Variants in MCC observed in about 807,000 individuals in gnomAD.
The protein encoded by MCC is colorectal mutant cancer protein.
A neutral mutation model predicts 116.2 loss-of-function variants in MCC; 90 were observed. That is an observed-to-expected ratio of 0.77 (90% CI 0.65 to 0.92). The LOEUF is 0.92. Ranked by LOEUF, MCC falls within the 40% of genes least tolerant of loss-of-function variation. The pLI is 0.00. For synonymous variants in MCC, 578 were observed against 510.5 expected (o/e 1.13, Z -1.78); for missense variants, 1,516 against 1,312.2 (o/e 1.16, Z -2.40).
chr5:113,254,241 G>C (rs183506091), intron 3 of MCC, among the ~76,000 whole-genome samples: 12 of 152,102 alleles, frequency 7.9e-5, no homozygotes, highest in Non-Finnish European at 1.6e-4. Context: ...GCATGAGGAC[G>C]GATAAGCAGA....
intron 1 of MCC, among the ~76,000 whole-genome samples, chr5:113,483,712 A>G (rs140828508): frequency 6.6e-6 from 1 of 152,338 alleles, no homozygotes; most frequent in East Asian, 1.9e-4. Flanking sequence ...AAAGGAATAT[A>G]AATCGTTGTA....
chr5:113,060,557 G>A (rs4293906), intron 14 of MCC, among the ~76,000 whole-genome samples: 13,109 of 152,204 alleles, frequency 0.086, 862 homozygotes, highest in African/African-American at 0.18. Context: ...GTCCTTTCCA[G>A]TGAGAGTCCT....
rs1157978443 is a variant in MCC at position 113,022,447 on chromosome 5, T to C, written c.*4855A>G. On this transcript the variant is annotated 3_prime_UTR_variant, in exon 19 of 19. Coordinates refer to ENST00000408903, the MANE Select transcript of MCC (RefSeq NM_001085377.2). ...TTCTAATTCAAGTGTATAGCACATA[T>C]TCAAATAATAGGAAACAAATCTCAT... 1 of 152,644 alleles carries C rather than the reference T, an allele frequency of 6.6e-6. No individual in the cohort carries two copies. The highest frequency in any genetic ancestry group is 2.4e-5 in the African/African-American group (1 of 41,454). The allele number at this position is 152,644 out of a possible 1,614,324, so 9.5% of individuals were successfully genotyped here. A position where few individuals can be genotyped will look rare whatever the true frequency, so the allele number is the denominator to read the frequency against.
chr5:113,320,279 G>A (rs939029423), intron 3 of MCC, among the ~76,000 whole-genome samples: 3 of 151,644 alleles, frequency 2.0e-5, no homozygotes, highest in African/African-American at 7.3e-5. Flanking sequence ...CACACAATTA[G>A]TTGTTTGTTT....
intron 17 of MCC, among the ~76,000 whole-genome samples, chr5:113,036,852 T>TCA (rs1172757884): frequency 6.6e-6 from 1 of 152,198 alleles, no homozygotes; most frequent in Non-Finnish European, 1.5e-5. Flanking sequence ...GCCTCAGTCT[T>TCA]CACCCTCTGT....
chr5:113,176,751 C>T (rs926942781), intron 3 of MCC, among the ~76,000 whole-genome samples: 4 of 152,148 alleles, frequency 2.6e-5, no homozygotes, highest in Non-Finnish European at 5.9e-5. Context: ...AAACCAGAGA[C>T]TTGGGTATCC....
chr5:113,228,373 G>C (rs1214931505), intron 3 of MCC, among the ~76,000 whole-genome samples: 1 of 152,154 alleles, frequency 6.6e-6, no homozygotes, highest in Admixed American at 6.5e-5. Context: ...GGAGGATTCA[G>C]GCAGTGGAGG....
At chr5:113,049,760 A>G (rs1752363119) in intron 15 of MCC, among the ~76,000 whole-genome samples, 1 of 152,104 alleles carries the variant, frequency 6.6e-6, no homozygotes, top group Non-Finnish European at 1.5e-5. Context: ...GGCACCAACC[A>G]CATGTTTAAT....
chr5:113,249,415 T>C (rs1045824400), intron 3 of MCC, among the ~76,000 whole-genome samples: 2 of 152,206 alleles, frequency 1.3e-5, no homozygotes, highest in Non-Finnish European at 1.5e-5. Context: ...TCCTTATATC[T>C]CTGCATTGTG....
At chr5:113,111,538 T>G (rs1440159505) in intron 6 of MCC, among the ~76,000 whole-genome samples, 1 of 152,238 alleles carries the variant, frequency 6.6e-6, no homozygotes, top group African/African-American at 2.4e-5. Flanking sequence ...ATCTCCCTTA[T>G]TTTTATTAAT....
In MCC at chr5:113,132,720, T is replaced by C. The variant is rs187739055; in HGVS notation, c.885-9894A>G. Among the ~76,000 whole-genome samples, 6 of 152,254 alleles carry C rather than the reference T, an allele frequency of 3.9e-5. No homozygotes were observed. In the East Asian group the frequency reaches 1.2e-3, roughly 29 times the overall value. ...TGTATTTGGCCTGACTTGTATTGGG[T>C]TGTTCTAATCTGCTAACTTTTACCA... On this transcript the variant is annotated intron_variant, in intron 5 of 18. Transcript: ENST00000408903.
At position 113,073,943 on chromosome 5, in the gene MCC, C is replaced by A. The variant is rs111709230; in HGVS notation, c.1785-2709G>T. 3.9e-4 allele frequency among the ~76,000 whole-genome samples: 59 copies of A among 152,352 alleles called. 2 individuals carry two copies. Among genetic ancestry groups the A allele is most frequent in the African/African-American group, 1.3e-3 (54 of 41,580 alleles). On this transcript the variant is annotated intron_variant, in intron 11 of 18. Transcript: ENST00000408903. Reference sequence around the variant, plus strand: ...GACCTGCCTGCCTCTGTAGACTCCACCGCTGGGGGCAGGGCATAGCTGAAC... The same window carrying A: ...GACCTGCCTGCCTCTGTAGACTCCAACGCTGGGGGCAGGGCATAGCTGAAC...
At chr5:113,199,789 A>G (rs1762592708) in intron 3 of MCC, among the ~76,000 whole-genome samples, 1 of 152,234 alleles carries the variant, frequency 6.6e-6, no homozygotes, top group African/African-American at 2.4e-5. Flanking sequence ...CACCAAGGCT[A>G]ATACCATCCT....
At chr5:113,223,750 A>G (rs916103759) in intron 3 of MCC, among the ~76,000 whole-genome samples, 3 of 152,250 alleles carry the variant, frequency 2.0e-5, no homozygotes, top group African/African-American at 7.2e-5. Context: ...CAAGAGGAGC[A>G]CAAGGGCAGA....
intron 3 of MCC, among the ~76,000 whole-genome samples, chr5:113,245,052 G>A (rs1377613252): frequency 6.6e-6 from 1 of 152,118 alleles, no homozygotes; most frequent in Non-Finnish European, 1.5e-5. Context: ...AGCACTTTGG[G>A]AGGCTGAGGC....
At chr5:113,152,909 G>A (rs961177690) in intron 3 of MCC, among the ~76,000 whole-genome samples, 3 of 152,196 alleles carry the variant, frequency 2.0e-5, no homozygotes, top group African/African-American at 7.2e-5. Context: ...GGGTGGCTTG[G>A]AAAAGGTCAC....
intron 2 of MCC, among the ~76,000 whole-genome samples, chr5:113,356,495 C>G (rs1270592487): frequency 6.6e-6 from 1 of 151,768 alleles, no homozygotes; most frequent in Non-Finnish European, 1.5e-5. Flanking sequence ...GTTTCTTTCA[C>G]TTATCTAAAT....
chr5:113,263,569 T>C (rs770102406), intron 3 of MCC, among the ~76,000 whole-genome samples: 3 of 152,186 alleles, frequency 2.0e-5, no homozygotes, highest in Non-Finnish European at 4.4e-5. Flanking sequence ...TTCAGCAACA[T>C]TTCATTTCTC....
Position 113,027,291 on chromosome 5 carries a change from G to C in MCC, c.*11C>G, listed in dbSNP as rs374300739. The C allele has an allele frequency of 6.2e-7, 1 of 1,613,724 alleles. No homozygotes were observed. Among genetic ancestry groups the C allele is most frequent in the Non-Finnish European group, 8.5e-7 (1 of 1,179,740 alleles). On this transcript the variant is annotated 3_prime_UTR_variant, in exon 19 of 19. Transcript: ENST00000408903. ...CTTCCCATGGGCAGAACTCCGGTGC[G>C]TGAGTGCTGATTAAAGCGAAGTTTC...
Sources: allele counts gnomAD v4.1 joint callset (sites outside exome capture counted in the v4.1 genomes callset), GRCh38; gene constraint gnomAD v4.1.1; transcripts MANE v1.5; gene names NCBI Gene and HGNC (gene_info 2026-07-23, HGNC 2026-07-21).